Variants in WFDC2 observed in about 807,000 individuals in gnomAD.
WFDC2 encodes the protein WAP four-disulfide core domain 2, also known as WAP four-disulfide core domain protein 2.
WFDC2 carries 8 observed loss-of-function variants against 12.5 expected under a neutral mutation model. The observed-to-expected ratio is 0.64, with a 90% CI of 0.37 to 1.15. The LOEUF (loss-of-function observed/expected upper bound fraction) is 1.15, where lower values mean the gene tolerates loss of function less well. Ranked by LOEUF, WFDC2 falls within the 50% of genes most tolerant of loss-of-function variation. WFDC2 has a pLI of 0.01. For synonymous variants in WFDC2, 74 were observed against 67.2 expected, an observed-to-expected ratio of 1.10 and a Z score of -0.49; for missense variants, 166 against 159.9, an observed-to-expected ratio of 1.04 and a Z score of -0.21.
At chr20:45,475,804 G>C (rs2145504403) in intron 2 of WFDC2, among the ~76,000 whole-genome samples, 1 of 152,304 alleles carries the variant, frequency 6.6e-6, no homozygotes, top group Middle Eastern at 3.4e-3. Context: ...TATTATGTCG[G>C]AGTCTAAGTC....
chr20:45,473,206 T>C (rs896211544), intron 2 of WFDC2, among the ~76,000 whole-genome samples: 4 of 152,230 alleles, frequency 2.6e-5, no homozygotes, highest in African/African-American at 9.6e-5. Flanking sequence ...TTTGTCAATT[T>C]TGGCTTTTGT....
chr20:45,475,554 T>C (rs921535434), intron 2 of WFDC2, among the ~76,000 whole-genome samples: 1 of 152,050 alleles, frequency 6.6e-6, no homozygotes, highest in Non-Finnish European at 1.5e-5. Context: ...ACTGTTAGGA[T>C]TTCCGTTCTT....
chr20:45,470,910 T>C lies in WFDC2; in HGVS notation c.223+378T>C, dbSNP rs2145501030. Among the ~76,000 whole-genome samples, 1 of 152,182 alleles carries C rather than the reference T, an allele frequency of 6.6e-6. No individual in the cohort carries two copies. The highest frequency in any genetic ancestry group is 1.5e-5 in the Non-Finnish European group (1 of 67,958). ...GAGCCTGGGGCGCTCACCTCTCCTC[T>C]TGGAGTCCCTCCCTGGGGGCCTCCC... is the stretch of plus-strand genomic sequence containing the variant. On this transcript the variant is annotated intron_variant, in intron 2 of 3. Coordinates refer to ENST00000372676, the MANE Select transcript of WFDC2 (RefSeq NM_006103.4). The surrounding 1 kb of genome is among the most constrained non-coding windows in gnomAD (Gnocchi z 5.4).
chr20:45,476,133 G>C (rs150747502), intron 2 of WFDC2, among the ~76,000 whole-genome samples: 10,597 of 152,168 alleles, frequency 0.07, 418 homozygotes, highest in South Asian at 0.13. Flanking sequence ...TATCCAATTT[G>C]CCAGTCTTTG....
chr20:45,480,026 G>C lies in WFDC2; in HGVS notation c.308G>C (p.Cys103Ser), dbSNP rs777202753. The C allele has an allele frequency of 3.1e-6, 5 of 1,614,132 alleles. No individual in the cohort carries two copies. In the African/African-American group the frequency reaches 6.7e-5, roughly 22 times the overall value. The stretch of plus-strand genomic sequence containing the variant: ...GACCAGTGCCAGGTGGACAGCCAGT[G>C]TCCTGGCCAGATGAAATGCTGCCGC... ...CRDQCQVDSQ[C>S]PGQMKCCRNG... The change falls in exon 3 of 4, where the codon TGT becomes TCT. Residue 103 changes from cysteine to serine, a missense_variant. Physicochemically the swap from Cys to Ser is moderately radical, Grantham distance 112. Coordinates refer to ENST00000372676, the MANE Select transcript of WFDC2 (RefSeq NM_006103.4).
At chr20:45,481,337 T>A (rs1435487404) in intron 3 of WFDC2, 34 bp from the exon 4 acceptor site, 1 of 152,116 alleles carries the variant, frequency 6.6e-6, no homozygotes, top group African/African-American at 2.4e-5. Context: ...TGGATATTGT[T>A]GTTGATGGTA....
rs1287021387 is a variant in WFDC2, at chr20:45,470,664, C to G, written c.223+132C>G. 2 of 1,279,016 alleles carry G rather than the reference C, an allele frequency of 1.6e-6. No homozygotes were observed. Among genetic ancestry groups the G allele is most frequent in the East Asian group, 2.5e-5 (1 of 39,220 alleles). 79.2% of individuals were successfully genotyped at this position (1,279,016 alleles called of 1,614,324 possible). A position where few individuals can be genotyped will look rare whatever the true frequency, so the allele number is the denominator to read the frequency against. On this transcript the variant is annotated intron_variant, in intron 2 of 3. Coordinates refer to ENST00000372676, the MANE Select transcript of WFDC2 (RefSeq NM_006103.4). The surrounding 1 kb of genome is among the most constrained non-coding windows in gnomAD (Gnocchi z 5.4). ...CCCGGGAAAGTCAAGGCGGTTGAAA[C>G]CAGATCCGTCAGTCCTCTCCCTCGC...
At chr20:45,480,490 G>T (rs898588218) in intron 3 of WFDC2, among the ~76,000 whole-genome samples, 1 of 152,008 alleles carries the variant, frequency 6.6e-6, no homozygotes, top group Non-Finnish European at 1.5e-5. Context: ...GTGGTGGCGG[G>T]TGCCACCCAC....
chr20:45,476,099 G>A (rs941112032), intron 2 of WFDC2, among the ~76,000 whole-genome samples: 5 of 152,076 alleles, frequency 3.3e-5, no homozygotes, highest in Non-Finnish European at 5.9e-5. Context: ...CCTGAATACA[G>A]CACACCAATG....
intron 2 of WFDC2, among the ~76,000 whole-genome samples, chr20:45,476,777 G>A (rs1203833418): frequency 6.6e-6 from 1 of 152,114 alleles, no homozygotes; most frequent in East Asian, 1.9e-4. Flanking sequence ...TTCCAACTTG[G>A]TTCCATTCTC....
At chr20:45,471,190 C>T (rs928602909) in intron 2 of WFDC2, 1 of 471,006 alleles carries the variant, frequency 2.1e-6, no homozygotes, top group Non-Finnish European at 4.4e-6. Flanking sequence ...GTGAGGAATC[C>T]TCCCTGGACA....
At chr20:45,472,041 A>G (rs947625677) in intron 2 of WFDC2, among the ~76,000 whole-genome samples, 3 of 152,166 alleles carry the variant, frequency 2.0e-5, no homozygotes, top group Non-Finnish European at 4.4e-5. Flanking sequence ...GGGCAGCCCA[A>G]TATTACAGGT....
At chr20:45,479,714 G>A (rs746548356) in intron 2 of WFDC2, 2 of 1,614,022 alleles carry the variant, frequency 1.2e-6, no homozygotes, top group South Asian at 1.1e-5. Flanking sequence ...AGGCCCACTT[G>A]GGACTCAAGC....
At chr20:45,476,065 T>G (rs773528430) in intron 2 of WFDC2, among the ~76,000 whole-genome samples, 1 of 152,224 alleles carries the variant, frequency 6.6e-6, no homozygotes, top group Non-Finnish European at 1.5e-5. Flanking sequence ...TGAGCCTATG[T>G]GTCTTTGCAC....
In WFDC2 at chr20:45,470,679, C is replaced by G. The variant is rs1698988445; in HGVS notation, c.223+147C>G. ...GCGGTTGAAACCAGATCCGTCAGTC[C>G]TCTCCCTCGCACGGCCCAGGGGTAG... On this transcript the variant is annotated intron_variant, in intron 2 of 3. Transcript: ENST00000372676. The surrounding 1 kb of genome is among the most constrained non-coding windows in gnomAD (Gnocchi z 5.4). 2 of 1,187,894 alleles carry G rather than the reference C, an allele frequency of 1.7e-6. No individual in the cohort carries two copies. The highest frequency in any genetic ancestry group is 2.3e-6 in the Non-Finnish European group (2 of 873,458). 73.6% of individuals were successfully genotyped at this position (1,187,894 alleles called of 1,614,324 possible). A position where few individuals can be genotyped will look rare whatever the true frequency, so the allele number is the denominator to read the frequency against.
At chr20:45,474,809 A>C (rs753519846) in intron 2 of WFDC2, among the ~76,000 whole-genome samples, 4 of 152,108 alleles carry the variant, frequency 2.6e-5, no homozygotes, top group Non-Finnish European at 5.9e-5. Context: ...GTCTGGTCCC[A>C]GACTTTTTTT....
intron 2 of WFDC2, chr20:45,471,220 CT>C: frequency 2.1e-6 from 1 of 468,574 alleles, no homozygotes; most frequent in South Asian, 1.6e-5. Flanking sequence ...CCTTCGTCGT[CT>C]TTCAGTCAAT....
chr20:45,475,173 T>C (rs1408433983), intron 2 of WFDC2, among the ~76,000 whole-genome samples: 1 of 152,188 alleles, frequency 6.6e-6, no homozygotes, highest in African/African-American at 2.4e-5. Context: ...CATGTCTCTA[T>C]CTCCTTTAGT....
rs768923730 is a variant in WFDC2 at position 45,480,073 on chromosome 20, T to C, written c.355T>C (p.Cys119Arg). ...CCGCAATGGCTGTGGGAAGGTGTCC[T>C]GTGTCACTCCCAATTTCTGAGGTAA... The part of the protein sequence containing the change: ...CCRNGCGKVS[C>R]VTPNF Residue 119 changes from cysteine (C) to arginine (R), a missense_variant, in exon 3 of 4, where the codon TGT (cysteine) becomes CGT (arginine). Transcript: ENST00000372676. 5 of 1,614,146 alleles carry C rather than the reference T, an allele frequency of 3.1e-6. No individual in the cohort carries two copies. The highest frequency in any genetic ancestry group is 4.2e-6 in the Non-Finnish European group (5 of 1,179,972).
Sources: gnomAD v4.1 joint callset for allele counts (sites outside exome capture counted in the v4.1 genomes callset) on GRCh38, gnomAD v4.1.1 for gene constraint, Gnocchi (gnomAD v3.1) non-coding constraint, MANE v1.5 for transcripts, NCBI Gene and HGNC (gene_info 2026-07-23, HGNC 2026-07-21) for gene names.